The following ZC3H11A variants were observed in gnomAD, a reference collection of about 807,000 sequenced individuals.
ZC3H11A encodes the protein zinc finger CCCH-type containing 11A, also known as zinc finger CCCH domain-containing protein 11A.
ZC3H11A carries 22 observed loss-of-function variants against 90.8 expected under a neutral mutation model. The observed-to-expected ratio is 0.24, with a 90% CI of 0.17 to 0.35. The LOEUF is 0.35. Among genes scored for constraint, ZC3H11A ranks in the 10% least tolerant of loss-of-function variants. The probability of loss-of-function intolerance (pLI) is 1.00; values close to 1 mark genes in which losing one functional copy is unlikely to be tolerated. For synonymous variants in ZC3H11A, 294 were observed against 339.8 expected (o/e 0.87, Z 1.48); for missense variants, 701 against 964.9 (o/e 0.73, Z 3.62).
rs774700189 is a variant in ZC3H11A, at chr1:203,830,121, A to G, written c.620-2A>G. 6.3e-7 allele frequency: 1 copy of G among 1,587,722 alleles called. No individual in the cohort carries two copies. Among genetic ancestry groups the G allele is most frequent in the Non-Finnish European group, 8.6e-7 (1 of 1,168,668 alleles). Reference sequence around the variant, plus strand: ...TCATAAAATTTCTATTTGAATTTTCAGGTGAATGTTTGAATTTTGGAATAA... The same window carrying G: ...TCATAAAATTTCTATTTGAATTTTCGGGTGAATGTTTGAATTTTGGAATAA... On this transcript the variant is annotated splice_acceptor_variant, in intron 7 of 17. Transcript: ENST00000367210. LOFTEE classifies it high-confidence loss of function.
chr1:203,817,067 C>G lies in ZC3H11A; in HGVS notation c.-4C>G, dbSNP rs770615571. 1.2e-6 allele frequency: 2 copies of G among 1,606,770 alleles called. No homozygotes were observed. The highest frequency in any genetic ancestry group is 1.7e-6 in the Non-Finnish European group (2 of 1,177,284). ...GCCACTTCTGATCTAAGAATCTACC[C>G]AGCATGCCTAATCAAGGAGAAGACT... On this transcript the variant is annotated 5_prime_UTR_variant, in exon 3 of 18. Coordinates refer to ENST00000367210, the MANE Select transcript of ZC3H11A (RefSeq NM_001376342.1).
intron 1 of ZC3H11A, chr1:203,796,106 GT>G (rs1398897833): frequency 5.1e-6 from 1 of 194,918 alleles, no homozygotes; most frequent in Non-Finnish European, 1.0e-5. Flanking sequence ...CACATCCGGT[GT>G]TCGCTAATCT....
At position 203,800,502 on chromosome 1, in the gene ZC3H11A, GT is replaced by G. The variant is rs1462190335; in HGVS notation, c.-1587-1071del. The G allele has an allele frequency of 1.9e-5, 27 of 1,446,894 alleles. No homozygotes were observed. The East Asian group carries it at 6.2e-4, about 33-fold the overall frequency. The allele number at this position is 1,446,894 out of a possible 1,614,324, so 89.6% of individuals were successfully genotyped here. ...TTTAAAATGGGCAACTTTTTGCTGT[GT>G]TACTGTATCTTAATAGCTGTAGTTG... On this transcript the variant is annotated intron_variant, in intron 1 of 17. Coordinates refer to ENST00000367210, the MANE Select transcript of ZC3H11A (RefSeq NM_001376342.1).
intron 17 of ZC3H11A, 105 bp from the exon 18 acceptor site, chr1:203,852,036 T>A (rs1350563646): frequency 8.2e-7 from 1 of 1,226,506 alleles, no homozygotes; most frequent in Non-Finnish European, 1.1e-6. Context: ...TCTTTATGTA[T>A]GTTCTTAAAA....
At position 203,837,949 on chromosome 1, in the gene ZC3H11A, G is replaced by A. The variant is rs1167262397; in HGVS notation, c.875-17G>A. The A allele has an allele frequency of 6.2e-7, 1 of 1,602,490 alleles. No individual in the cohort carries two copies. The highest frequency in any genetic ancestry group is 8.5e-7 in the Non-Finnish European group (1 of 1,176,534). On this transcript the variant is annotated splice_polypyrimidine_tract_variant and intron_variant, in intron 10 of 17. Transcript: ENST00000367210. ...AGATTGACTTGAAATCTTAAACTAA[G>A]TTCTCCCTCTTTATAGGCGGTGACA...
intron 9 of ZC3H11A, among the ~76,000 whole-genome samples, chr1:203,832,709 T>C (rs1682793887): frequency 1.3e-5 from 2 of 152,146 alleles, no homozygotes; most frequent in Admixed American, 6.5e-5. Context: ...TAAGGAATTA[T>C]AGATATAGAT....
At chr1:203,834,494 A>C (rs904189530) in intron 10 of ZC3H11A, among the ~76,000 whole-genome samples, 2 of 151,908 alleles carry the variant, frequency 1.3e-5, no homozygotes, top group African/African-American at 4.8e-5. Context: ...CTGGTCTCCA[A>C]CTCCTGGGCT....
At chr1:203,830,772 G>A (rs900923198) in intron 8 of ZC3H11A, among the ~76,000 whole-genome samples, 7 of 152,022 alleles carry the variant, frequency 4.6e-5, no homozygotes, top group African/African-American at 1.7e-4. Flanking sequence ...TCGCACCATT[G>A]TATTCCAGCC....
At chr1:203,825,154 G>A (rs184863235) in intron 4 of ZC3H11A, among the ~76,000 whole-genome samples, 65 of 151,522 alleles carry the variant, frequency 4.3e-4, no homozygotes, top group Admixed American at 1.6e-3. Flanking sequence ...TTTGTCTTGC[G>A]TTTCATATTA....
chr1:203,834,622 A>G (rs1231328933), intron 10 of ZC3H11A, among the ~76,000 whole-genome samples: 1 of 152,082 alleles, frequency 6.6e-6, no homozygotes, highest in Non-Finnish European at 1.5e-5. Flanking sequence ...ATTGTTGTAT[A>G]ACTACCCTAA....
chr1:203,799,385 G>A, intron 1 of ZC3H11A: 5 of 703,378 alleles, frequency 7.1e-6, no homozygotes, highest in Non-Finnish European at 1.3e-5. Context: ...ATTCGGTCAA[G>A]GCCCGTCAGA....
intron 2 of ZC3H11A, among the ~76,000 whole-genome samples, chr1:203,816,134 T>A (rs1027521223): frequency 1.4e-4 from 22 of 152,230 alleles, no homozygotes; most frequent in Admixed American, 1.3e-3. Flanking sequence ...GATTATATAC[T>A]TTTGGAATAA....
intron 2 of ZC3H11A, among the ~76,000 whole-genome samples, chr1:203,812,965 G>A (rs1299183649): frequency 1.3e-5 from 2 of 152,136 alleles, no homozygotes; most frequent in East Asian, 3.8e-4. Flanking sequence ...TTTTCCATCT[G>A]TATACCTTCT....
In ZC3H11A at chr1:203,829,491, G is replaced by A; in HGVS notation, c.339G>A (p.Val113=). 6.2e-7 allele frequency: 1 copy of A among 1,614,006 alleles called. No homozygotes were observed. The highest frequency in any genetic ancestry group is 1.3e-5 in the African/African-American group (1 of 75,044). ...TGCCTGAGTCACCAGAAGAGGAAGT[G>A]AAGGCTAGCCAACTTTCAGTTCAGC... is the stretch of plus-strand genomic sequence containing the variant. ...PTVPESPEEE[V]KASQLSVQQN... Residue 113 remains valine, a synonymous_variant, in exon 6 of 18, where the codon GTG becomes GTA. Transcript: ENST00000367210.
intron 10 of ZC3H11A, among the ~76,000 whole-genome samples, chr1:203,835,007 C>T (rs1344996190): frequency 1.3e-5 from 2 of 152,176 alleles, no homozygotes; most frequent in Non-Finnish European, 2.9e-5. Context: ...TTTAAATGTC[C>T]TAAAAAGGAA....
intron 9 of ZC3H11A, among the ~76,000 whole-genome samples, chr1:203,833,179 C>T (rs1268235061): frequency 6.6e-6 from 1 of 152,078 alleles, no homozygotes; most frequent in East Asian, 1.9e-4. Flanking sequence ...ACCAGCCCGA[C>T]CAACGCGGTG....
intron 12 of ZC3H11A, among the ~76,000 whole-genome samples, chr1:203,844,632 C>G (rs1261377631): frequency 6.6e-6 from 1 of 151,764 alleles, no homozygotes; most frequent in Admixed American, 6.6e-5. Context: ...TTTTAAAGAC[C>G]CTTTCCCCAA....
At chr1:203,796,686 T>TATGTACAA (rs1236816483) in intron 1 of ZC3H11A, 1 of 378,912 alleles carries the variant, frequency 2.6e-6, no homozygotes, top group Non-Finnish European at 4.7e-6. Context: ...CTTTTTGCTA[T>TATGTACAA]CTCTATAGCG....
At chr1:203,798,863 A>G (rs1244469875) in intron 1 of ZC3H11A, 31 of 1,536,044 alleles carry the variant, frequency 2.0e-5, no homozygotes, top group Non-Finnish European at 2.6e-5. Flanking sequence ...ATAGGTTGCC[A>G]TCAGAGACTT....
Sources: gnomAD v4.1 joint callset for allele counts (sites outside exome capture counted in the v4.1 genomes callset) on GRCh38, gnomAD v4.1.1 for gene constraint, MANE v1.5 for transcripts, NCBI Gene and HGNC (gene_info 2026-07-23, HGNC 2026-07-21) for gene names.